ARRB1: variants seen among roughly 807,000 people sequenced by gnomAD.
ARRB1 encodes arrestin beta 1.
Under a neutral mutation model 56.8 loss-of-function variants are expected in ARRB1, and 21 were observed. That is an observed-to-expected ratio of 0.37 (90% CI 0.26 to 0.53). The LOEUF (loss-of-function observed/expected upper bound fraction) is 0.53, where lower values mean the gene tolerates loss of function less well. Among genes scored for constraint, ARRB1 ranks in the 20% least tolerant of loss-of-function variants. The pLI is 0.88. For missense variants in ARRB1, 424 were observed against 553.7 expected (o/e 0.77, Z 2.35); for synonymous variants, 210 against 218.6 (o/e 0.96, Z 0.35).
chr11:75,304,582 G>A (rs1045713807), intron 1 of ARRB1, among the ~76,000 whole-genome samples: 18 of 151,948 alleles, frequency 1.2e-4, no homozygotes, highest in African/African-American at 4.1e-4. Context: ...GTTCTCAGCC[G>A]GGGGCGAATT....
At chr11:75,306,382 C>T (rs1028266699) in intron 1 of ARRB1, among the ~76,000 whole-genome samples, 4 of 152,188 alleles carry the variant, frequency 2.6e-5, no homozygotes, top group Non-Finnish European at 2.9e-5. Flanking sequence ...AACAGCCTTC[C>T]CCCATCTCCA....
At chr11:75,291,911 C>A (rs954892931) in intron 1 of ARRB1, among the ~76,000 whole-genome samples, 2 of 152,178 alleles carry the variant, frequency 1.3e-5, no homozygotes, top group African/African-American at 2.4e-5. Context: ...ACAGTGAGGC[C>A]CGCCATGGCA....
At chr11:75,317,713 C>G (rs1045717209) in intron 1 of ARRB1, among the ~76,000 whole-genome samples, 4 of 152,250 alleles carry the variant, frequency 2.6e-5, no homozygotes, top group Non-Finnish European at 4.4e-5. Flanking sequence ...TCACTCCACA[C>G]TCGCCTGTGC....
intron 1 of ARRB1, among the ~76,000 whole-genome samples, chr11:75,345,236 T>A (rs1269370902): frequency 6.6e-6 from 1 of 152,100 alleles, no homozygotes; most frequent in Admixed American, 6.5e-5. Context: ...TCTTCTGAAG[T>A]GGGGCTAAAG....
chr11:75,343,825 T>G (rs1947726607), intron 1 of ARRB1, among the ~76,000 whole-genome samples: 2 of 151,722 alleles, frequency 1.3e-5, no homozygotes. Flanking sequence ...TTTTTTTTTT[T>G]AAGACAGAGT....
intron 1 of ARRB1, among the ~76,000 whole-genome samples, chr11:75,327,599 G>GGTT (rs55710203): frequency 0.58 from 84,513 of 146,510 alleles, 24,507 homozygotes; most frequent in African/African-American, 0.69. Flanking sequence ...TTTTGTTTTT[G>GGTT]TTTTTTTTTT....
At chr11:75,273,101 T>C (rs1946107555) in intron 11 of ARRB1, 123 bp from the exon 12 acceptor site, 9 of 767,418 alleles carry the variant, frequency 1.2e-5, no homozygotes. Flanking sequence ...TCAGCTACCA[T>C]GTCCAATAGA....
At position 75,261,623 on chromosome 11, in the gene ARRB1, G is replaced by A. The variant is rs942282487; in HGVS notation, c.*4540C>T. On this transcript the variant is annotated 3_prime_UTR_variant, in exon 16 of 16. Coordinates refer to ENST00000420843, the MANE Select transcript of ARRB1 (RefSeq NM_004041.5). ...CCTGTGCTTTGACTTCCCTTTTGGG[G>A]TGACGAGTTGGAGTGTGATGGGGGG... is the stretch of plus-strand genomic sequence containing the variant. 3.3e-4 allele frequency: 50 copies of A among 152,232 alleles called. No individual in the cohort carries two copies. The highest frequency in any genetic ancestry group is 1.2e-3 in the African/African-American group (49 of 41,424). The allele number at this position is 152,232 out of a possible 1,614,324, so 9.4% of individuals were successfully genotyped here. A position where few individuals can be genotyped will look rare whatever the true frequency, so the allele number is the denominator to read the frequency against.
chr11:75,304,636 C>G (rs1203157617), intron 1 of ARRB1, among the ~76,000 whole-genome samples: 4 of 151,556 alleles, frequency 2.6e-5, no homozygotes, highest in Non-Finnish European at 5.9e-5. Context: ...ACATTGTGGG[C>G]TGTCATGATT....
Position 75,264,164 on chromosome 11 carries a change from G to A in ARRB1, c.*1999C>T, listed in dbSNP as rs1347396291. ...CTGACTTGGTTCTGGTCTGGGGAGG[G>A]GTCCCTTGGGTTGAGTGGTCATGAG... is the stretch of plus-strand genomic sequence containing the variant. On this transcript the variant is annotated 3_prime_UTR_variant, in exon 16 of 16. Transcript: ENST00000420843. 1.3e-5 allele frequency: 2 copies of A among 152,228 alleles called. No homozygotes were observed. The highest frequency in any genetic ancestry group is 4.8e-5 in the African/African-American group (2 of 41,440). The allele number at this position is 152,228 out of a possible 1,614,324, so 9.4% of individuals were successfully genotyped here.
At chr11:75,331,658 T>C (rs566240760) in intron 1 of ARRB1, among the ~76,000 whole-genome samples, 84 of 150,038 alleles carry the variant, frequency 5.6e-4, no homozygotes, top group African/African-American at 2.1e-3. Context: ...TACGCAAATC[T>C]TATAAAACGG....
chr11:75,337,369 G>A (rs1947621454), intron 1 of ARRB1, among the ~76,000 whole-genome samples: 2 of 152,066 alleles, frequency 1.3e-5, no homozygotes, highest in Non-Finnish European at 2.9e-5. Context: ...CTATCTCAAA[G>A]GAAAAACAGA....
chr11:75,284,365 C>A, intron 3 of ARRB1, 86 bp from the exon 4 acceptor site: 2 of 1,339,956 alleles, frequency 1.5e-6, no homozygotes, highest in Non-Finnish European at 2.0e-6. Flanking sequence ...AGCCCAGATC[C>A]AACCATCTGT....
chr11:75,267,727 G>A (rs1488818317), intron 14 of ARRB1, 24 bp from the exon 15 acceptor site: 3 of 1,231,326 alleles, frequency 2.4e-6, no homozygotes, highest in Middle Eastern at 2.6e-4. Context: ...GGGTGGGCAG[G>A]GTGTCCAGGG....
intron 3 of ARRB1, 170 bp from the exon 4 acceptor site, chr11:75,284,449 C>T: frequency 1.9e-6 from 1 of 539,662 alleles, no homozygotes; most frequent in Non-Finnish European, 3.2e-6. Flanking sequence ...CCACCACGCT[C>T]CACCCTTCCC....
At chr11:75,333,829 C>T (rs892926769) in intron 1 of ARRB1, among the ~76,000 whole-genome samples, 1 of 152,182 alleles carries the variant, frequency 6.6e-6, no homozygotes, top group South Asian at 2.1e-4. Context: ...GCACAGAAGG[C>T]AAGACATTGC....
intron 3 of ARRB1, among the ~76,000 whole-genome samples, chr11:75,285,673 A>G (rs1748774240): frequency 6.6e-6 from 1 of 152,068 alleles, no homozygotes; most frequent in African/African-American, 2.4e-5. Flanking sequence ...AGCTCTGCAC[A>G]GTGCCCCAGA....
chr11:75,306,804 G>A (rs1456156566), intron 1 of ARRB1: 2 of 569,998 alleles, frequency 3.5e-6, no homozygotes, highest in Admixed American at 3.7e-5. Context: ...TCGGGCCATG[G>A]AGGGCGGATG....
chr11:75,284,956 C>G (rs913260095), intron 3 of ARRB1, among the ~76,000 whole-genome samples: 9 of 152,136 alleles, frequency 5.9e-5, no homozygotes, highest in African/African-American at 1.9e-4. Context: ...TCCATATATT[C>G]TGTAATGACC....
Sources: gnomAD v4.1 joint callset for allele counts (sites outside exome capture counted in the v4.1 genomes callset) on GRCh38, gnomAD v4.1.1 for gene constraint, MANE v1.5 for transcripts, NCBI Gene and HGNC (gene_info 2026-07-23, HGNC 2026-07-21) for gene names.